NCOA1: variants seen among roughly 807,000 people sequenced by gnomAD.
NCOA1 encodes the protein nuclear receptor coactivator 1, also known as Hin-2 protein.
In NCOA1, 35 loss-of-function variants were observed where a neutral mutation model predicts 150.9. The ratio of observed to expected loss-of-function variants is 0.23; its 90% CI spans 0.18 to 0.31. The LOEUF is 0.31. Among genes scored for constraint, NCOA1 ranks in the 10% least tolerant of loss-of-function variants. The pLI is 1.00. For missense variants in NCOA1, 1,491 were observed against 1,749.3 expected, an observed-to-expected ratio of 0.85 and a Z score of 2.63; for synonymous variants, 590 against 630.0, an observed-to-expected ratio of 0.94 and a Z score of 0.95.
intron 1 of NCOA1, among the ~76,000 whole-genome samples, chr2:24,555,668 G>A (rs771691634): frequency 1.3e-5 from 2 of 152,142 alleles, no homozygotes; most frequent in Non-Finnish European, 2.9e-5. Context: ...GGATTGCTAT[G>A]TCTTCTTAAT....
At chr2:24,639,643 C>T (rs1670088401) in intron 3 of NCOA1, among the ~76,000 whole-genome samples, 1 of 151,620 alleles carries the variant, frequency 6.6e-6, no homozygotes, top group East Asian at 1.9e-4. Flanking sequence ...AATCCCAGCA[C>T]TTTGGGAGGC....
intron 17 of NCOA1, among the ~76,000 whole-genome samples, chr2:24,735,684 G>A (rs1216180463): frequency 6.6e-6 from 1 of 152,060 alleles, no homozygotes; most frequent in Admixed American, 6.6e-5. Context: ...GGAGAGAGAT[G>A]AAAAACATCC....
chr2:24,669,929 G>A (rs1375763018), intron 6 of NCOA1, among the ~76,000 whole-genome samples: 1 of 152,160 alleles, frequency 6.6e-6, no homozygotes, highest in Non-Finnish European at 1.5e-5. Flanking sequence ...CTTGAGCCCA[G>A]GAGTTTGAGA....
At chr2:24,759,263 C>T (rs1398467131) in intron 21 of NCOA1, among the ~76,000 whole-genome samples, 1 of 151,934 alleles carries the variant, frequency 6.6e-6, no homozygotes, top group Non-Finnish European at 1.5e-5. Context: ...GCACAGTTGA[C>T]TACTGAGGGC....
chr2:24,685,716 G>C (rs932185461), intron 8 of NCOA1, among the ~76,000 whole-genome samples: 2 of 152,174 alleles, frequency 1.3e-5, no homozygotes, highest in African/African-American at 4.8e-5. Flanking sequence ...GTGTTGCTTA[G>C]CATATTTCCT....
At chr2:24,763,533 A>G (rs1318125141) in intron 22 of NCOA1, among the ~76,000 whole-genome samples, 1 of 83,134 alleles carries the variant, frequency 1.2e-5, no homozygotes, top group Non-Finnish European at 2.5e-5. Context: ...GCGAGACTCC[A>G]TCTCAAAAAA....
At chr2:24,540,184 A>G (rs1665329519) in intron 1 of NCOA1, among the ~76,000 whole-genome samples, 2 of 152,346 alleles carry the variant, frequency 1.3e-5, no homozygotes, top group Middle Eastern at 3.4e-3. Flanking sequence ...AGGAAAGCCA[A>G]CACTATAAAA....
At chr2:24,737,769 A>G (rs1238216918) in intron 17 of NCOA1, among the ~76,000 whole-genome samples, 1 of 152,214 alleles carries the variant, frequency 6.6e-6, no homozygotes, top group Non-Finnish European at 1.5e-5. Flanking sequence ...TGTGCATTTT[A>G]CTGTTGTGCG....
chr2:24,612,593 C>CT (rs1345801989), intron 3 of NCOA1, among the ~76,000 whole-genome samples: 1 of 151,514 alleles, frequency 6.6e-6, no homozygotes, highest in Non-Finnish European at 1.5e-5. Flanking sequence ...TTTTTGAATT[C>CT]TTTTTTCTTT....
intron 1 of NCOA1, among the ~76,000 whole-genome samples, chr2:24,553,498 G>A (rs1033067494): frequency 2.0e-5 from 3 of 152,244 alleles, no homozygotes; most frequent in African/African-American, 7.2e-5. Context: ...GATTACAGGC[G>A]TGAGCCACTT....
At position 24,768,352 on chromosome 2, in the gene NCOA1, C is replaced by A; in HGVS notation, c.4287C>A (p.Ala1429=). The A allele has an allele frequency of 1.2e-6, 2 of 1,612,774 alleles. No individual in the cohort carries two copies. Among genetic ancestry groups the A allele is most frequent in the Non-Finnish European group, 1.7e-6 (2 of 1,179,282 alleles). ...KPTSGPQTPQ[A]QQKSLLQQLL... is the part of the protein sequence containing the mutation. The stretch of plus-strand genomic sequence containing the variant: ...CGTCAGGACCACAGACCCCCCAGGC[C>A]CAGCAGAAGAGCCTCCTTCAGCAGC... Residue 1429 remains alanine, a synonymous_variant, in exon 23 of 23, where the codon GCC becomes GCA. Transcript: ENST00000348332.
intron 1 of NCOA1, among the ~76,000 whole-genome samples, chr2:24,536,374 G>T (rs1665142587): frequency 6.6e-6 from 1 of 152,080 alleles, no homozygotes; most frequent in South Asian, 2.1e-4. Context: ...AAGGTTTTTA[G>T]CTTCCTTGCA....
rs575712473 is a variant in NCOA1, at chr2:24,677,584, C to T, written c.354+4121C>T. ...GACTACAGGCATGTACCACCATGCCCGGCTAATTTTTGTATTTTTAGTAGA... is the reference window on the plus strand; with the variant it reads ...GACTACAGGCATGTACCACCATGCCTGGCTAATTTTTGTATTTTTAGTAGA... On this transcript the variant is annotated intron_variant, in intron 7 of 22. Coordinates refer to ENST00000348332, the MANE Select transcript of NCOA1 (RefSeq NM_003743.5). 2.1e-3 allele frequency among the ~76,000 whole-genome samples: 313 copies of T among 152,150 alleles called. 2 individuals are homozygous for T. The highest frequency in any genetic ancestry group is 7.1e-3 in the African/African-American group (293 of 41,542).
At chr2:24,516,294 A>G (rs1384745696) in intron 1 of NCOA1, among the ~76,000 whole-genome samples, 3 of 141,708 alleles carry the variant, frequency 2.1e-5, no homozygotes, top group African/African-American at 5.3e-5. Context: ...CCAGGTTCAC[A>G]CCATTCTCCT....
chr2:24,533,217 G>T lies in NCOA1; in HGVS notation c.-395-31078G>T, dbSNP rs183890072. On this transcript the variant is annotated intron_variant, in intron 1 of 22. Coordinates refer to ENST00000348332, the MANE Select transcript of NCOA1 (RefSeq NM_003743.5). ...GTATTTTATTCTCTTTGTAGCAATT[G>T]TGAGTGGGAGTTCACTCATGATTTG... Among the ~76,000 whole-genome samples the T allele has an allele frequency of 2.3e-3, 343 of 152,238 alleles. 1 individual carries two copies. The highest frequency in any genetic ancestry group is 3.6e-3 in the Non-Finnish European group (246 of 68,016).
At chr2:24,509,658 T>C (rs1663848034) in intron 1 of NCOA1, among the ~76,000 whole-genome samples, 3 of 152,198 alleles carry the variant, frequency 2.0e-5, no homozygotes, top group Admixed American at 6.5e-5. Flanking sequence ...AGGTGGTAAA[T>C]GTTGCATGTC....
At position 24,707,375 on chromosome 2, in the gene NCOA1, G is replaced by C; in HGVS notation, c.1905G>C (p.Gln635His). Residue 635 changes from glutamine to histidine, a missense_variant, in exon 13 of 23, where the codon CAG becomes CAC. By Grantham distance (24) the Gln-to-His change is conservative. Coordinates refer to ENST00000348332, the MANE Select transcript of NCOA1 (RefSeq NM_003743.5). ...KYSQTSHKLV[Q>H]LLTTTAEQQL... The stretch of plus-strand genomic sequence containing the variant: ...CTCAAACCAGTCACAAACTAGTGCA[G>C]CTTTTGACAACAACTGCCGAACAGC... The C allele has an allele frequency of 6.2e-7, 1 of 1,614,202 alleles. No homozygotes were observed. The highest frequency in any genetic ancestry group is 8.5e-7 in the Non-Finnish European group (1 of 1,180,048).
intron 10 of NCOA1, among the ~76,000 whole-genome samples, chr2:24,697,457 C>T (rs186795987): frequency 2.6e-5 from 4 of 152,200 alleles, no homozygotes; most frequent in African/African-American, 9.6e-5. Flanking sequence ...CATACTAGGA[C>T]ATAACACATT....
intron 1 of NCOA1, among the ~76,000 whole-genome samples, chr2:24,510,338 C>T (rs1435395898): frequency 9.2e-5 from 14 of 152,082 alleles, no homozygotes; most frequent in African/African-American, 2.2e-4. Context: ...TGAGCCACCA[C>T]GCCCGGCTGC....
Sources: allele counts gnomAD v4.1 joint callset (sites outside exome capture counted in the v4.1 genomes callset), GRCh38; gene constraint gnomAD v4.1.1; transcripts MANE v1.5; gene names NCBI Gene and HGNC (gene_info 2026-07-23, HGNC 2026-07-21).